Variants in FHIT observed in about 807,000 individuals in gnomAD.
FHIT encodes the protein fragile histidine triad diadenosine triphosphatase, also known as bis(5'-adenosyl)-triphosphatase.
FHIT carries 19 observed loss-of-function variants against 17.9 expected under a neutral mutation model. The ratio of observed to expected loss-of-function variants is 1.06; its 90% CI spans 0.74 to 1.56. The LOEUF (loss-of-function observed/expected upper bound fraction) is 1.56. Ranked by LOEUF, FHIT falls within the 40% of genes most tolerant of loss-of-function variation. FHIT has a pLI of 0.00. For missense variants in FHIT, 248 were observed against 189.2 expected (o/e 1.31, Z -1.82); for synonymous variants, 81 against 69.7 (o/e 1.16, Z -0.81).
intron 7 of FHIT, among the ~76,000 whole-genome samples, chr3:59,970,319 C>T (rs543701830): frequency 3.3e-5 from 5 of 152,150 alleles, no homozygotes; most frequent in African/African-American, 1.2e-4. Flanking sequence ...GAAGACAAAA[C>T]CAATTCCTAA....
intron 4 of FHIT, among the ~76,000 whole-genome samples, chr3:60,798,571 T>C (rs1052610595): frequency 5.3e-5 from 8 of 152,140 alleles, no homozygotes; most frequent in Admixed American, 1.3e-4. Flanking sequence ...ACAGATGGTA[T>C]ATGGCCTCCT....
At chr3:60,920,052 T>C (rs1553768005) in intron 3 of FHIT, among the ~76,000 whole-genome samples, 1 of 148,208 alleles carries the variant, frequency 6.7e-6, no homozygotes, top group Non-Finnish European at 1.5e-5. Flanking sequence ...AAAAAAAGAG[T>C]GCATATAGCA....
intron 5 of FHIT, among the ~76,000 whole-genome samples, chr3:60,349,077 G>T (rs1405961871): frequency 6.6e-6 from 1 of 152,174 alleles, no homozygotes; most frequent in African/African-American, 2.4e-5. Context: ...GTACTTTGCA[G>T]TAAGATTATT....
intron 8 of FHIT, among the ~76,000 whole-genome samples, chr3:59,754,541 C>A (rs1192137055): frequency 6.6e-6 from 1 of 152,162 alleles, no homozygotes; most frequent in East Asian, 1.9e-4. Context: ...AAGAGATATG[C>A]AAAGCCCAGG....
intron 5 of FHIT, among the ~76,000 whole-genome samples, chr3:60,420,143 G>A (rs750747564): frequency 2.6e-5 from 4 of 152,144 alleles, no homozygotes; most frequent in Admixed American, 6.6e-5. Flanking sequence ...TTCATTGTGC[G>A]TAAATATACA....
At chr3:61,174,303 CAG>C (rs1389668301) in intron 2 of FHIT, among the ~76,000 whole-genome samples, 3 of 152,210 alleles carry the variant, frequency 2.0e-5, no homozygotes, top group African/African-American at 2.4e-5. Context: ...ACAATTCTTA[CAG>C]AGTCTCAAAA....
At chr3:61,009,159 CT>C (rs898444507) in intron 3 of FHIT, among the ~76,000 whole-genome samples, 5 of 152,152 alleles carry the variant, frequency 3.3e-5, no homozygotes, top group African/African-American at 9.7e-5. Context: ...TCTGCCCCAG[CT>C]TAAGAAGCAA....
intron 5 of FHIT, among the ~76,000 whole-genome samples, chr3:60,457,096 G>A (rs2032146652): frequency 6.6e-6 from 1 of 152,042 alleles, no homozygotes; most frequent in South Asian, 2.1e-4. Flanking sequence ...AGTTCATATG[G>A]AACCAAAACA....
At chr3:59,853,979 A>G (rs1227562772) in intron 8 of FHIT, among the ~76,000 whole-genome samples, 3 of 152,216 alleles carry the variant, frequency 2.0e-5, no homozygotes, top group Non-Finnish European at 2.9e-5. Flanking sequence ...ATCAGGAGCT[A>G]ATTAGTCCAC....
chr3:60,110,349 G>C (rs1036312488), intron 5 of FHIT, among the ~76,000 whole-genome samples: 1 of 152,036 alleles, frequency 6.6e-6, no homozygotes. Context: ...TTCTTCCATG[G>C]AGCACAAAGA....
At chr3:60,034,644 T>C (rs574877457) in intron 5 of FHIT, among the ~76,000 whole-genome samples, 6 of 152,322 alleles carry the variant, frequency 3.9e-5, no homozygotes, top group Admixed American at 1.3e-4. Context: ...GAAAGAAATA[T>C]TGGTGACCTT....
intron 5 of FHIT, among the ~76,000 whole-genome samples, chr3:60,121,489 C>G (rs1374725444): frequency 6.6e-6 from 1 of 151,926 alleles, no homozygotes; most frequent in Non-Finnish European, 1.5e-5. Flanking sequence ...AATTTGAGAC[C>G]AGCTTGGCCA....
At chr3:61,127,168 A>C (rs1394570078) in intron 2 of FHIT, among the ~76,000 whole-genome samples, 1 of 152,148 alleles carries the variant, frequency 6.6e-6, no homozygotes, top group East Asian at 1.9e-4. Flanking sequence ...AATCAACCAA[A>C]AGATGTGAAG....
At chr3:60,756,205 G>A (rs1233885845) in intron 4 of FHIT, among the ~76,000 whole-genome samples, 2 of 152,208 alleles carry the variant, frequency 1.3e-5, no homozygotes, top group African/African-American at 2.4e-5. Flanking sequence ...GCACCTTGTG[G>A]CTTGGGCTTC....
chr3:60,728,131 T>C (rs903860800), intron 4 of FHIT, among the ~76,000 whole-genome samples: 6 of 152,242 alleles, frequency 3.9e-5, no homozygotes, highest in Admixed American at 2.6e-4. Flanking sequence ...GGACATAATG[T>C]AAAAATTCTT....
At chr3:60,889,126 C>G (rs527481567) in intron 3 of FHIT, among the ~76,000 whole-genome samples, 41 of 152,314 alleles carry the variant, frequency 2.7e-4, no homozygotes, top group Non-Finnish European at 5.6e-4. Context: ...TACCTGCTAC[C>G]TGCTCTGCCC....
intron 8 of FHIT, among the ~76,000 whole-genome samples, chr3:59,826,275 G>A (rs1481517463): frequency 2.6e-5 from 4 of 152,014 alleles, no homozygotes; most frequent in Non-Finnish European, 4.4e-5. Context: ...GCACCACCAC[G>A]CCCAGCTAAT....
At position 59,773,254 on chromosome 3, in the gene FHIT, C is replaced by T. The variant is rs1238127505; in HGVS notation, c.349-20933G>A. Among the ~76,000 whole-genome samples the T allele has an allele frequency of 5.9e-5, 9 of 152,134 alleles. 1 individual carries two copies. Among genetic ancestry groups the T allele is most frequent in the Admixed American group, 4.6e-4 (7 of 15,270 alleles). ...CCTGCCTGCCCAGAGCTCACAGCCC[C>T]GGTGGGTGACCCGGAAAATAAGCAG... is the stretch of plus-strand genomic sequence containing the variant. On this transcript the variant is annotated intron_variant, in intron 8 of 9. Coordinates refer to ENST00000492590, the MANE Select transcript of FHIT (RefSeq NM_002012.4).
chr3:61,213,570 AC>A (rs1257546548), intron 1 of FHIT, among the ~76,000 whole-genome samples: 2 of 152,094 alleles, frequency 1.3e-5, no homozygotes. Flanking sequence ...GACTTTAACA[AC>A]CCACTGTCAA....
Sources: allele counts gnomAD v4.1 joint callset (sites outside exome capture counted in the v4.1 genomes callset), GRCh38; gene constraint gnomAD v4.1.1; transcripts MANE v1.5; gene names NCBI Gene and HGNC (gene_info 2026-07-23, HGNC 2026-07-21).